The following ELP4 variants were observed in gnomAD, a reference collection of about 807,000 sequenced individuals.
ELP4 encodes elongator complex protein 4.
In ELP4, 51 loss-of-function variants were observed where a neutral mutation model predicts 48.9. The ratio of observed to expected loss-of-function variants is 1.04; its 90% CI spans 0.83 to 1.32. ELP4 has a LOEUF of 1.32. Among genes scored for constraint, ELP4 ranks in the 40% most tolerant of loss-of-function variants. The probability of loss-of-function intolerance (pLI) is 0.00; values close to 1 mark genes in which losing one functional copy is unlikely to be tolerated. For synonymous variants in ELP4, 210 were observed against 189.2 expected (o/e 1.11, Z -0.90); for missense variants, 519 against 514.6 (o/e 1.01, Z -0.08).
chr11:31,755,730 CAAAAAAAAA>C (rs58181247), intron 9 of ELP4, among the ~76,000 whole-genome samples: 34 of 99,258 alleles, frequency 3.4e-4, no homozygotes, highest in African/African-American at 1.0e-3. Flanking sequence ...CCTGGAATTA[CAAAAAAAAA>C]AAAAAAAAAG....
chr11:31,763,179 A>G (rs1302526944), intron 9 of ELP4, among the ~76,000 whole-genome samples: 1 of 152,132 alleles, frequency 6.6e-6, no homozygotes, highest in Non-Finnish European at 1.5e-5. Flanking sequence ...AAAAACAAAT[A>G]TCCTTTAAGG....
intron 9 of ELP4, among the ~76,000 whole-genome samples, chr11:31,749,857 T>A (rs1171849704): frequency 7.7e-6 from 1 of 130,218 alleles, no homozygotes; most frequent in Non-Finnish European, 1.6e-5. Flanking sequence ...CTTTATGACA[T>A]TTTTTTTTTT....
At position 31,534,483 on chromosome 11, in the gene ELP4, G is replaced by C. The variant is rs376228512; in HGVS notation, c.260-5179G>C. Among the ~76,000 whole-genome samples, 7 of 152,144 alleles carry C rather than the reference G, an allele frequency of 4.6e-5. No homozygotes were observed. In the East Asian group the frequency reaches 7.7e-4, roughly 17 times the overall value. Reference sequence around the variant, plus strand: ...CCTAAAAGCTGCATGAAAAGTCCATGGTAAGGGGGTATAGCTATGTAATGT... The same window carrying C: ...CCTAAAAGCTGCATGAAAAGTCCATCGTAAGGGGGTATAGCTATGTAATGT... On this transcript the variant is annotated intron_variant, in intron 2 of 9. Coordinates refer to ENST00000640961, the MANE Select transcript of ELP4 (RefSeq NM_019040.5).
At chr11:31,599,074 G>A (rs1421216759) in intron 4 of ELP4, 1 of 151,876 alleles carries the variant, frequency 6.6e-6, no homozygotes, top group Non-Finnish European at 1.5e-5. Context: ...TCTCCTACTA[G>A]AATGTGAGCT....
intron 3 of ELP4, among the ~76,000 whole-genome samples, chr11:31,580,980 A>C (rs956994140): frequency 6.6e-6 from 1 of 152,200 alleles, no homozygotes; most frequent in East Asian, 1.9e-4. Flanking sequence ...TATTCAGTCA[A>C]ATATTATACT....
At chr11:31,782,094 T>G (rs919606192) in intron 9 of ELP4, among the ~76,000 whole-genome samples, 1 of 152,212 alleles carries the variant, frequency 6.6e-6, no homozygotes, top group Non-Finnish European at 1.5e-5. Flanking sequence ...TCTTTTATCC[T>G]AGATATATTT....
At chr11:31,521,787 A>T (rs543696588) in intron 2 of ELP4, among the ~76,000 whole-genome samples, 1 of 152,282 alleles carries the variant, frequency 6.6e-6, no homozygotes, top group South Asian at 2.1e-4. Context: ...TCAGTTGTAC[A>T]GTATTTGTTA....
intron 9 of ELP4, among the ~76,000 whole-genome samples, chr11:31,676,525 G>C (rs1592214028): frequency 6.6e-6 from 1 of 152,086 alleles, no homozygotes; most frequent in Non-Finnish European, 1.5e-5. Context: ...ATACGATAAG[G>C]TGCTCAAAAA....
chr11:31,741,573 G>A (rs1170485338), intron 9 of ELP4, among the ~76,000 whole-genome samples: 1 of 152,176 alleles, frequency 6.6e-6, no homozygotes, highest in Non-Finnish European at 1.5e-5. Flanking sequence ...TCAGACAGCA[G>A]CATCTGCAGT....
chr11:31,590,696 C>T (rs974978748), intron 3 of ELP4, among the ~76,000 whole-genome samples: 3 of 152,104 alleles, frequency 2.0e-5, no homozygotes, highest in Non-Finnish European at 4.4e-5. Flanking sequence ...CCTCAGGAAG[C>T]GTCTAATCAT....
Position 31,731,772 on chromosome 11 carries a change from G to C in ELP4, c.1144-51621G>C, listed in dbSNP as rs1014640833. ...CACTAAGACACATTATAATCAAACT[G>C]TCAGAAATAAAAGACAGAATTTTGA... On this transcript the variant is annotated intron_variant, in intron 9 of 9. Coordinates refer to ENST00000640961, the MANE Select transcript of ELP4 (RefSeq NM_019040.5). Among the ~76,000 whole-genome samples, 143 of 152,188 alleles carry C rather than the reference G, an allele frequency of 9.4e-4. 1 individual carries two copies. The highest frequency in any genetic ancestry group is 8.8e-5 in the Non-Finnish European group (6 of 68,020).
intron 2 of ELP4, among the ~76,000 whole-genome samples, chr11:31,528,531 C>T (rs552561244): frequency 2.6e-5 from 4 of 152,006 alleles, no homozygotes; most frequent in Admixed American, 1.3e-4. Context: ...AAATGTTTAA[C>T]GGGTTATGCT....
At chr11:31,742,303 C>A (rs968919152) in intron 9 of ELP4, among the ~76,000 whole-genome samples, 17 of 152,162 alleles carry the variant, frequency 1.1e-4, no homozygotes, top group African/African-American at 2.9e-4. Context: ...GAGAATGGAA[C>A]CAAGTTGGAA....
chr11:31,520,146 A>G, intron 2 of ELP4, 55 bp downstream of exon 2: 1 of 1,463,606 alleles, frequency 6.8e-7, no homozygotes, highest in Non-Finnish European at 9.3e-7. Flanking sequence ...TGTTGTGCAT[A>G]ATCATTTTAT....
intron 1 of ELP4, among the ~76,000 whole-genome samples, chr11:31,517,691 C>T (rs1956141168): frequency 6.6e-6 from 1 of 151,368 alleles, no homozygotes; most frequent in Admixed American, 6.6e-5. Flanking sequence ...ATCTCAGCTC[C>T]CTGCAACCTC....
chr11:31,619,051 A>T (rs1256147062), intron 5 of ELP4, among the ~76,000 whole-genome samples: 1 of 152,056 alleles, frequency 6.6e-6, no homozygotes. Flanking sequence ...GAGGCACTGA[A>T]TTTTAGAAAA....
intron 3 of ELP4, among the ~76,000 whole-genome samples, chr11:31,566,710 A>G (rs1957117479): frequency 6.6e-6 from 1 of 152,210 alleles, no homozygotes; most frequent in African/African-American, 2.4e-5. Flanking sequence ...ATTGATTGTA[A>G]GATGCATCAT....
intron 9 of ELP4, among the ~76,000 whole-genome samples, chr11:31,718,524 G>T (rs763513954): frequency 6.6e-6 from 1 of 152,160 alleles, no homozygotes; most frequent in Non-Finnish European, 1.5e-5. Flanking sequence ...CTATTCCATG[G>T]TACCTAGGTA....
At chr11:31,772,707 C>G (rs1948172094) in intron 9 of ELP4, among the ~76,000 whole-genome samples, 2 of 152,178 alleles carry the variant, frequency 1.3e-5, no homozygotes, top group Non-Finnish European at 2.9e-5. Flanking sequence ...TGGTCCACAA[C>G]TAACAGCAAG....
Sources: gnomAD v4.1 joint callset for allele counts (sites outside exome capture counted in the v4.1 genomes callset) on GRCh38, gnomAD v4.1.1 for gene constraint, MANE v1.5 for transcripts, NCBI Gene and HGNC (gene_info 2026-07-23, HGNC 2026-07-21) for gene names.